PTCSC3: variants seen among roughly 807,000 people sequenced by gnomAD.
PTCSC3 encodes papillary thyroid carcinoma susceptibility candidate 3 (non-protein coding).
chr14:36,147,619 A>G (rs1175478878), intron 3 of PTCSC3, among the ~76,000 whole-genome samples: 1 of 151,832 alleles, frequency 6.6e-6, no homozygotes, highest in East Asian at 1.9e-4. Context: ...TTCCTCCCGT[A>G]GCTCAGAGTA....
rs376579329 is a variant in PTCSC3, at chr14:36,159,986, C to G, written n.231+2638G>C. On this transcript the variant is annotated intron_variant and non_coding_transcript_variant, in intron 2 of 3. Transcript: ENST00000556013. Reference sequence around the variant, plus strand: ...CCCTTTACCATTATGTAATGGCCTTCTTTGTCTCTTTTGATCTTTATTGGT... The same window carrying G: ...CCCTTTACCATTATGTAATGGCCTTGTTTGTCTCTTTTGATCTTTATTGGT... 7.9e-5 allele frequency among the ~76,000 whole-genome samples: 12 copies of G among 152,164 alleles called. 1 individual carries two copies. The highest frequency in any genetic ancestry group is 5.8e-4 in the East Asian group (3 of 5,198).
At position 36,150,941 on chromosome 14, in the gene PTCSC3, T is replaced by TAA. The variant is rs35223802; in HGVS notation, n.322+2861_322+2862dup. Reference sequence around the variant, plus strand: ...GATATGAATAAGAAAGGTATTTTTTTAAAAAAACCTTCCTTTATACCTTCT... The same window carrying TAA: ...GATATGAATAAGAAAGGTATTTTTTTAAAAAAAAACCTTCCTTTATACCTTCT... On this transcript the variant is annotated intron_variant and non_coding_transcript_variant, in intron 3 of 3. Transcript: ENST00000556013. Among the ~76,000 whole-genome samples the TAA allele has an allele frequency of 5.3e-5, 8 of 151,872 alleles. No individual in the cohort carries two copies. In the South Asian group the frequency reaches 8.3e-4, roughly 16 times the overall value.
chr14:36,146,633 G>C lies in PTCSC3; in HGVS notation n.322+7171C>G, dbSNP rs1488563617. ...CTTTATCCAATTTGCCAGTCTGTGTGTTTTAATTGGAGCATTTAGTCCGTT... is the reference window on the plus strand; with the variant it reads ...CTTTATCCAATTTGCCAGTCTGTGTCTTTTAATTGGAGCATTTAGTCCGTT... On this transcript the variant is annotated intron_variant and non_coding_transcript_variant, in intron 3 of 3. Coordinates refer to ENST00000556013, the Ensembl canonical transcript of PTCSC3. Among the ~76,000 whole-genome samples the C allele has an allele frequency of 6.8e-4, 101 of 149,226 alleles. 1 individual carries two copies. Among genetic ancestry groups the C allele is most frequent in the Admixed American group, 2.3e-3 (34 of 14,858 alleles).
chr14:36,170,219 G>A (rs1882167292), intron 1 of PTCSC3, among the ~76,000 whole-genome samples: 1 of 151,736 alleles, frequency 6.6e-6, no homozygotes, highest in African/African-American at 2.4e-5. Flanking sequence ...ATCTTCTGTA[G>A]GTTAAGAATT....
At position 36,140,164 on chromosome 14, in the gene PTCSC3, G is replaced by A. The variant is rs560487091; in HGVS notation, n.323-3808C>T. ...CTCTGTATCTTTTAATGGCTTGGTA[G>A]CACATTTCTTTTTAGTGCTAAATAA... On this transcript the variant is annotated intron_variant and non_coding_transcript_variant, in intron 3 of 3. Transcript: ENST00000556013. Among the ~76,000 whole-genome samples, 18 of 152,254 alleles carry A rather than the reference G, an allele frequency of 1.2e-4. No individual in the cohort carries two copies. The South Asian group carries it at 3.7e-3, about 32-fold the overall frequency.
intron 2 of PTCSC3, among the ~76,000 whole-genome samples, chr14:36,154,377 A>C (rs1244954266): frequency 1.3e-5 from 2 of 152,236 alleles, no homozygotes; most frequent in African/African-American, 4.8e-5. Context: ...GTACCCTCCA[A>C]AATTATGCAC....
intron 1 of PTCSC3, among the ~76,000 whole-genome samples, chr14:36,168,323 T>G (rs1322470318): frequency 6.2e-5 from 9 of 145,908 alleles, no homozygotes; most frequent in Admixed American, 5.5e-4. Context: ...TGCATTCCAT[T>G]AAAACCCATT....
intron 3 of PTCSC3, among the ~76,000 whole-genome samples, chr14:36,150,365 C>T (rs1364043354): frequency 1.3e-5 from 2 of 152,090 alleles, no homozygotes; most frequent in African/African-American, 4.8e-5. Flanking sequence ...AACAAGGTAC[C>T]CTGAAACAAG....
chr14:36,173,435 A>G (rs934076), intron 1 of PTCSC3, among the ~76,000 whole-genome samples: 13,349 of 152,162 alleles, frequency 0.088, 696 homozygotes, highest in Middle Eastern at 0.18. Flanking sequence ...AGCTGTTCAC[A>G]TTCAATGCTG....
chr14:36,168,493 T>C (rs1295529070), intron 1 of PTCSC3, among the ~76,000 whole-genome samples: 1 of 151,612 alleles, frequency 6.6e-6, no homozygotes, highest in African/African-American at 2.4e-5. Context: ...GGAAGGATTC[T>C]AGTTATGCTG....
chr14:36,148,320 A>G (rs540734680), intron 3 of PTCSC3, among the ~76,000 whole-genome samples: 2,717 of 151,976 alleles, frequency 0.018, 77 homozygotes, highest in African/African-American at 0.059. Context: ...GCGAGACTCC[A>G]TAGGCATAGG....
chr14:36,144,049 T>A (rs971051508), intron 3 of PTCSC3, among the ~76,000 whole-genome samples: 1 of 152,132 alleles, frequency 6.6e-6, no homozygotes, highest in Non-Finnish European at 1.5e-5. Flanking sequence ...CCATGCTGTT[T>A]TGGTTACTGT....
chr14:36,172,424 G>GA (rs1882208163), intron 1 of PTCSC3, among the ~76,000 whole-genome samples: 1 of 151,660 alleles, frequency 6.6e-6, no homozygotes, highest in African/African-American at 2.4e-5. Context: ...AAATTAACAG[G>GA]AAAATAAAAA....
chr14:36,176,445 C>A (rs1882281643), exon 1 of PTCSC3: 1 of 151,818 alleles, frequency 6.6e-6, no homozygotes, highest in South Asian at 2.1e-4. Context: ...AACAACAGGT[C>A]CCAGATCACT....
chr14:36,152,720 C>T (rs181499610), intron 3 of PTCSC3, among the ~76,000 whole-genome samples: 1 of 151,646 alleles, frequency 6.6e-6, no homozygotes, highest in Non-Finnish European at 1.5e-5. Context: ...AAGGTGAAAC[C>T]CTTTCTCTAC....
At chr14:36,171,275 T>G (rs1384603604) in intron 1 of PTCSC3, among the ~76,000 whole-genome samples, 1 of 152,192 alleles carries the variant, frequency 6.6e-6, no homozygotes, top group East Asian at 1.9e-4. Flanking sequence ...AAACACACTA[T>G]CTAGCTGCCA....
chr14:36,153,662 C>T (rs760531416), intron 3 of PTCSC3: 7 of 152,092 alleles, frequency 4.6e-5, no homozygotes, highest in Admixed American at 2.0e-4. Context: ...AAGACACATT[C>T]GAGAATGTCC....
intron 3 of PTCSC3, among the ~76,000 whole-genome samples, chr14:36,148,243 C>T (rs966346589): frequency 5.3e-5 from 8 of 152,104 alleles, no homozygotes; most frequent in Non-Finnish European, 8.8e-5. Context: ...TGGGCAATGG[C>T]GGGCTCCCCT....
At chr14:36,171,114 T>A (rs1011447875) in intron 1 of PTCSC3, among the ~76,000 whole-genome samples, 4 of 152,190 alleles carry the variant, frequency 2.6e-5, no homozygotes, top group African/African-American at 9.6e-5. Context: ...ATTTTTGAGT[T>A]CTAAACAATA....
Sources: gnomAD v4.1 joint callset for allele counts (sites outside exome capture counted in the v4.1 genomes callset) on GRCh38, gnomAD v4.1.1 for gene constraint, MANE v1.5 for transcripts, NCBI Gene and HGNC (gene_info 2026-07-23, HGNC 2026-07-21) for gene names.